The following TEK variants were observed in gnomAD, a reference collection of about 807,000 sequenced individuals.
TEK encodes the protein TEK receptor tyrosine kinase, also known as angiopoietin-1 receptor.
TEK carries 43 observed loss-of-function variants against 131.8 expected under a neutral mutation model. That is an observed-to-expected ratio of 0.33 (90% CI 0.26 to 0.42). The LOEUF is 0.42. TEK is among the 10% of genes least tolerant of loss of function. The pLI, the probability that TEK is intolerant of heterozygous loss-of-function variation, is 1.00. For synonymous variants in TEK, 580 were observed against 491.6 expected, an observed-to-expected ratio of 1.18 and a Z score of -2.38; for missense variants, 1,162 against 1,384.4, an observed-to-expected ratio of 0.84 and a Z score of 2.55.
chr9:27,138,187 T>C (rs1219924145), intron 1 of TEK, among the ~76,000 whole-genome samples: 1 of 152,224 alleles, frequency 6.6e-6, no homozygotes, highest in South Asian at 2.1e-4. Context: ...CAAGATTTAT[T>C]GTGAAGAGCA....
At chr9:27,224,140 G>A (rs1587054414) in intron 21 of TEK, among the ~76,000 whole-genome samples, 1 of 152,150 alleles carries the variant, frequency 6.6e-6, no homozygotes, top group African/African-American at 2.4e-5. Flanking sequence ...ACCAAAAAAA[G>A]TCCAGGACCA....
intron 17 of TEK, 131 bp downstream of exon 17, chr9:27,213,028 C>T: frequency 3.1e-6 from 3 of 959,908 alleles, no homozygotes; most frequent in South Asian, 1.5e-5. Flanking sequence ...ATTTTAATCT[C>T]TCTGTGAATA....
At chr9:27,180,664 A>G (rs1401181558) in intron 7 of TEK, among the ~76,000 whole-genome samples, 1 of 152,186 alleles carries the variant, frequency 6.6e-6, no homozygotes, top group Non-Finnish European at 1.5e-5. Flanking sequence ...CTTCTCTAGG[A>G]CCAACCTTTT....
At chr9:27,133,437 G>A (rs1171753712) in intron 1 of TEK, among the ~76,000 whole-genome samples, 6 of 152,212 alleles carry the variant, frequency 3.9e-5, no homozygotes, top group Non-Finnish European at 5.9e-5. Flanking sequence ...AGTCGGCTGA[G>A]TTTGAGTCAG....
intron 21 of TEK, 60 bp downstream of exon 21, chr9:27,220,205 G>T: frequency 1.3e-6 from 2 of 1,555,834 alleles, no homozygotes; most frequent in Non-Finnish European, 1.8e-6. Flanking sequence ...TGTTTCTGGG[G>T]CCAGCTGACT....
chr9:27,164,144 A>G lies in TEK; in HGVS notation c.365-4351A>G, dbSNP rs144423587. 3.7e-3 allele frequency among the ~76,000 whole-genome samples: 558 copies of G among 152,274 alleles called. 3 individuals carry two copies. Among genetic ancestry groups the G allele is most frequent in the African/African-American group, 0.013 (533 of 41,554 alleles). On this transcript the variant is annotated intron_variant, in intron 2 of 22. Coordinates refer to ENST00000380036, the MANE Select transcript of TEK (RefSeq NM_000459.5). ...GGTTCAAATCCTGGCTCTCCCATGT[A>G]TATGCTGTGTGATCTTGGACAGGTT...
chr9:27,155,943 C>T (rs1371207363), intron 1 of TEK, among the ~76,000 whole-genome samples: 1 of 151,760 alleles, frequency 6.6e-6, no homozygotes, highest in African/African-American at 2.4e-5. Context: ...GCTGGGATTA[C>T]AGGCACCCAC....
chr9:27,124,172 A>G (rs1004038931), intron 1 of TEK, among the ~76,000 whole-genome samples: 2 of 152,258 alleles, frequency 1.3e-5, no homozygotes, highest in African/African-American at 4.8e-5. Context: ...TCCCAGCCTT[A>G]CTACTGTATC....
Position 27,171,109 on chromosome 9 carries a change from AG to A in TEK, c.628+1481del, listed in dbSNP as rs541959763. On this transcript the variant is annotated intron_variant, in intron 4 of 22. Transcript: ENST00000380036. ...TTTGAAAAATGTAAGAGTTAGAACT[AG>A]TAAAAACTTTTTTTCTCCATTATAA... Among the ~76,000 whole-genome samples the A allele has an allele frequency of 4.7e-3, 723 of 152,304 alleles. 3 individuals carry two copies. Among genetic ancestry groups the A allele is most frequent in the Non-Finnish European group, 8.1e-3 (548 of 68,026 alleles).
chr9:27,140,249 T>A (rs1024006887), intron 1 of TEK, among the ~76,000 whole-genome samples: 4 of 152,150 alleles, frequency 2.6e-5, no homozygotes, highest in Non-Finnish European at 4.4e-5. Context: ...CACACTGAGC[T>A]TAGTCCCAAT....
chr9:27,115,830 T>G (rs1821534460), intron 1 of TEK, among the ~76,000 whole-genome samples: 1 of 152,184 alleles, frequency 6.6e-6, no homozygotes, highest in African/African-American at 2.4e-5. Context: ...AGCTGTAATG[T>G]AGGATGAAGG....
chr9:27,124,862 A>T (rs1175691681), intron 1 of TEK, among the ~76,000 whole-genome samples: 1 of 152,194 alleles, frequency 6.6e-6, no homozygotes, highest in African/African-American at 2.4e-5. Flanking sequence ...ACCTGTGCAT[A>T]TGAGGTCTAT....
chr9:27,144,304 A>G (rs1405688486), intron 1 of TEK, among the ~76,000 whole-genome samples: 1 of 152,124 alleles, frequency 6.6e-6, no homozygotes, highest in Admixed American at 6.5e-5. Flanking sequence ...AAAGGAGAAT[A>G]TGTAAAGAGC....
In TEK at chr9:27,225,127, A is replaced by G. The variant is rs184925387; in HGVS notation, c.3201-3079A>G. 6.6e-4 allele frequency among the ~76,000 whole-genome samples: 101 copies of G among 152,350 alleles called. 3 individuals are homozygous for G. In the East Asian group the frequency reaches 0.017, roughly 26 times the overall value. On this transcript the variant is annotated intron_variant, in intron 21 of 22. Coordinates refer to ENST00000380036, the MANE Select transcript of TEK (RefSeq NM_000459.5). Reference sequence around the variant, plus strand: ...AAGAGAGGACACAAACAAATGGAAAAACATTCCATGCTCATGGACAGGAAG... The same window carrying G: ...AAGAGAGGACACAAACAAATGGAAAGACATTCCATGCTCATGGACAGGAAG...
chr9:27,174,400 T>C (rs957186710), intron 6 of TEK, among the ~76,000 whole-genome samples: 4 of 152,168 alleles, frequency 2.6e-5, no homozygotes, highest in African/African-American at 9.7e-5. Flanking sequence ...TTTTCTAGTG[T>C]CCACATTAAA....
At chr9:27,172,577 GC>G (rs1823998087) in intron 4 of TEK, 38 bp from the exon 5 acceptor site, 1 of 1,611,770 alleles carries the variant, frequency 6.2e-7, no homozygotes, top group Non-Finnish European at 8.5e-7. Flanking sequence ...TTGAGCGAAT[GC>G]GCTCTACTCA....
At chr9:27,178,045 A>T (rs1458209133) in intron 6 of TEK, among the ~76,000 whole-genome samples, 1 of 152,188 alleles carries the variant, frequency 6.6e-6, no homozygotes, top group Non-Finnish European at 1.5e-5. Flanking sequence ...TGCCCGGATC[A>T]GTATCAAGAA....
chr9:27,154,413 G>C (rs1446764937), intron 1 of TEK, among the ~76,000 whole-genome samples: 1 of 152,144 alleles, frequency 6.6e-6, no homozygotes, highest in African/African-American at 2.4e-5. Context: ...TAAGAAATGG[G>C]CCATAACACT....
intron 6 of TEK, among the ~76,000 whole-genome samples, chr9:27,173,740 T>C (rs1328308518): frequency 1.3e-5 from 1 of 74,250 alleles, no homozygotes; most frequent in African/African-American, 5.7e-5. Flanking sequence ...TTTTTTGGTT[T>C]TTTTTTTTTT....
Sources: gnomAD v4.1 joint callset for allele counts (sites outside exome capture counted in the v4.1 genomes callset) on GRCh38, gnomAD v4.1.1 for gene constraint, MANE v1.5 for transcripts, NCBI Gene and HGNC (gene_info 2026-07-23, HGNC 2026-07-21) for gene names.